The following INSIG2 variants were observed in gnomAD, a reference collection of about 807,000 sequenced individuals.
INSIG2 encodes insulin-induced gene 2 protein.
INSIG2 carries 10 observed loss-of-function variants against 27.2 expected under a neutral mutation model. The ratio of observed to expected loss-of-function variants is 0.37; its 90% CI spans 0.23 to 0.62. INSIG2 has a LOEUF of 0.62. INSIG2 is among the 20% of genes least tolerant of loss of function. The probability of loss-of-function intolerance (pLI) is 0.65; values close to 1 mark genes in which losing one functional copy is unlikely to be tolerated. For synonymous variants in INSIG2, 97 were observed against 95.8 expected (o/e 1.01, Z -0.07); for missense variants, 178 against 270.2 (o/e 0.66, Z 2.39).
At chr2:118,091,909 A>G (rs1366367356) in intron 1 of INSIG2, among the ~76,000 whole-genome samples, 1 of 152,238 alleles carries the variant, frequency 6.6e-6, no homozygotes, top group East Asian at 1.9e-4. Flanking sequence ...GGTTATCACA[A>G]ATAGGGGAGG....
Position 118,110,734 on chromosome 2 carries a change from C to G in INSIG2, c.*2412C>G, listed in dbSNP as rs1678792176. The G allele has an allele frequency of 6.6e-6, 1 of 152,036 alleles. No individual in the cohort carries two copies. The highest frequency in any genetic ancestry group is 1.5e-5 in the Non-Finnish European group (1 of 68,004). 9.4% of individuals were successfully genotyped at this position (152,036 alleles called of 1,614,324 possible). A position where few individuals can be genotyped will look rare whatever the true frequency, so the allele number is the denominator to read the frequency against. ...ACATTTTTTAACATTGCTAGATTGG[C>G]AGTGCTTTCTTTTATTATTTCAAGT... On this transcript the variant is annotated 3_prime_UTR_variant, in exon 6 of 6. Coordinates refer to ENST00000245787, the MANE Select transcript of INSIG2 (RefSeq NM_016133.4).
At chr2:118,108,199 T>C in intron 5 of INSIG2, 82 bp from the exon 6 acceptor site, 1 of 902,366 alleles carries the variant, frequency 1.1e-6, no homozygotes, top group East Asian at 2.6e-5. Flanking sequence ...ATGTTCATTT[T>C]TAGAGCTTTT....
At chr2:118,107,297 T>G in intron 5 of INSIG2, 108 bp downstream of exon 5, 1 of 707,700 alleles carries the variant, frequency 1.4e-6, no homozygotes, top group Non-Finnish European at 2.5e-6. Context: ...ATTCTTTGAT[T>G]GCTTTTTTGC....
intron 1 of INSIG2, among the ~76,000 whole-genome samples, chr2:118,094,327 A>G (rs1163123462): frequency 7.0e-6 from 1 of 141,934 alleles, no homozygotes; most frequent in Non-Finnish European, 1.5e-5. Flanking sequence ...ATGATGATGA[A>G]GGAGAGTTCT....
intron 5 of INSIG2, among the ~76,000 whole-genome samples, chr2:118,107,449 T>TA (rs1678701809): frequency 6.6e-6 from 1 of 152,200 alleles, no homozygotes; most frequent in African/African-American, 2.4e-5. Context: ...TAGTGGTTTT[T>TA]AAAAAACTAA....
At position 118,109,429 on chromosome 2, in the gene INSIG2, AAGAGTGTATTG is replaced by A. The variant is rs1236610380; in HGVS notation, c.*1111_*1121del. ...ATTAGTGAATAGTTCAAGTCTGTTT[AAGAGTGTATTG>A]AGATGGCATTCTCTGCATGTTAAAG... is the stretch of plus-strand genomic sequence containing the variant. On this transcript the variant is annotated 3_prime_UTR_variant, in exon 6 of 6. Transcript: ENST00000245787. 6.6e-6 allele frequency: 1 copy of A among 152,162 alleles called. No homozygotes were observed. The highest frequency in any genetic ancestry group is 1.5e-5 in the Non-Finnish European group (1 of 68,042). 9.4% of individuals were successfully genotyped at this position (152,162 alleles called of 1,614,324 possible).
intron 1 of INSIG2, among the ~76,000 whole-genome samples, chr2:118,089,486 A>G (rs1678175053): frequency 6.6e-6 from 1 of 152,192 alleles, no homozygotes; most frequent in South Asian, 2.1e-4. Context: ...GACAGTAGCT[A>G]GATGGTGTTT....
In INSIG2 at chr2:118,108,569, A is replaced by G. The variant is rs1409309731; in HGVS notation, c.*247A>G. 6.0e-6 allele frequency: 2 copies of G among 335,490 alleles called. No individual in the cohort carries two copies. Among genetic ancestry groups the G allele is most frequent in the Non-Finnish European group, 1.1e-5 (2 of 183,690 alleles). 20.8% of individuals were successfully genotyped at this position (335,490 alleles called of 1,614,324 possible). ...TTAAATAACTGTAAGATATATATGT[A>G]CTACATTAAAAAGTGTTGATTAATA... On this transcript the variant is annotated 3_prime_UTR_variant, in exon 6 of 6. Coordinates refer to ENST00000245787, the MANE Select transcript of INSIG2 (RefSeq NM_016133.4).
chr2:118,096,828 T>C (rs1395205191), intron 2 of INSIG2, 28 bp downstream of exon 2: 1 of 1,604,736 alleles, frequency 6.2e-7, no homozygotes, highest in Admixed American at 1.7e-5. Context: ...CTGTAATGCT[T>C]AGAAAGGAAA....
intron 3 of INSIG2, among the ~76,000 whole-genome samples, chr2:118,103,546 CTT>C (rs891325478): frequency 4.1e-4 from 63 of 152,136 alleles, no homozygotes; most frequent in African/African-American, 1.5e-3. Context: ...CACTTAGAAA[CTT>C]TGCAAATTTG....
intron 3 of INSIG2, among the ~76,000 whole-genome samples, chr2:118,105,105 A>G (rs1273031639): frequency 6.6e-6 from 1 of 152,288 alleles, no homozygotes; most frequent in East Asian, 1.9e-4. Flanking sequence ...CAGTGGCACA[A>G]TCTTGGCTCA....
intron 4 of INSIG2, 28 bp downstream of exon 4, chr2:118,106,931 G>A (rs1678686932): frequency 6.2e-7 from 1 of 1,608,228 alleles, no homozygotes; most frequent in Non-Finnish European, 8.5e-7. Flanking sequence ...AATTTTTGGT[G>A]CTTGTTTGCT....
intron 5 of INSIG2, 89 bp downstream of exon 5, chr2:118,107,278 G>A: frequency 1.3e-6 from 1 of 797,798 alleles, no homozygotes; most frequent in Non-Finnish European, 2.1e-6. Context: ...AGCAATTTGT[G>A]AAGACAACAT....
At chr2:118,092,282 A>G (rs891880227) in intron 1 of INSIG2, among the ~76,000 whole-genome samples, 1 of 152,182 alleles carries the variant, frequency 6.6e-6, no homozygotes, top group African/African-American at 2.4e-5. Flanking sequence ...GTAAAGAGTC[A>G]ACTAATGTTC....
intron 1 of INSIG2, among the ~76,000 whole-genome samples, chr2:118,092,891 AG>A (rs1678291581): frequency 6.8e-6 from 1 of 146,834 alleles, no homozygotes; most frequent in Non-Finnish European, 1.5e-5. Context: ...GATGAGGACG[AG>A]GAGAGTTCTG....
rs1384280930 is a variant in INSIG2 at position 118,096,533 on chromosome 2, A to T, written c.-24A>T. 6.4e-7 allele frequency: 1 copy of T among 1,564,210 alleles called. No homozygotes were observed. Among genetic ancestry groups the T allele is most frequent in the Non-Finnish European group, 8.6e-7 (1 of 1,161,600 alleles). Reference sequence around the variant, plus strand: ...AAGCCTTTCCATTTTTTTTTTTTTAACGGCTTTCTGAACCTATGAAACCAT... The same window carrying T: ...AAGCCTTTCCATTTTTTTTTTTTTATCGGCTTTCTGAACCTATGAAACCAT... On this transcript the variant is annotated 5_prime_UTR_variant, in exon 2 of 6. Transcript: ENST00000245787.
rs1014380751 is a variant in INSIG2 at position 118,109,198 on chromosome 2, A to G, written c.*876A>G. On this transcript the variant is annotated 3_prime_UTR_variant, in exon 6 of 6. Transcript: ENST00000245787. Reference sequence around the variant, plus strand: ...ATACAGAATCTCATTGCTTTTGCACATGGAGCATATAGGAAACTCCAAACA... The same window carrying G: ...ATACAGAATCTCATTGCTTTTGCACGTGGAGCATATAGGAAACTCCAAACA... 1.3e-5 allele frequency: 2 copies of G among 152,242 alleles called. No individual in the cohort carries two copies. The highest frequency in any genetic ancestry group is 2.1e-4 in the South Asian group (1 of 4,830). The allele number at this position is 152,242 out of a possible 1,614,324, so 9.4% of individuals were successfully genotyped here.
At chr2:118,104,095 C>G (rs1678616125) in intron 3 of INSIG2, among the ~76,000 whole-genome samples, 1 of 152,164 alleles carries the variant, frequency 6.6e-6, no homozygotes, top group South Asian at 2.1e-4. Context: ...AAATGCTATT[C>G]CTGTCTTTTT....
Position 118,090,977 on chromosome 2 carries a change from T to C in INSIG2, c.-139+2436T>C, listed in dbSNP as rs1678210428. Among the ~76,000 whole-genome samples the C allele has an allele frequency of 2.6e-5, 4 of 152,228 alleles. No homozygotes were observed. The South Asian group carries it at 8.3e-4, about 32-fold the overall frequency. Reference sequence around the variant, plus strand: ...GACATATTGTCCTTTAAACAGTATCTTTATACCAGAGACTTTTTCCCTGGT... The same window carrying C: ...GACATATTGTCCTTTAAACAGTATCCTTATACCAGAGACTTTTTCCCTGGT... On this transcript the variant is annotated intron_variant, in intron 1 of 5. Transcript: ENST00000245787.
Sources: gnomAD v4.1 joint callset for allele counts (sites outside exome capture counted in the v4.1 genomes callset) on GRCh38, gnomAD v4.1.1 for gene constraint, MANE v1.5 for transcripts, NCBI Gene and HGNC (gene_info 2026-07-23, HGNC 2026-07-21) for gene names.